The following CEP170B variants were observed in gnomAD, a reference collection of about 807,000 sequenced individuals.
CEP170B encodes centrosomal protein 170B.
A neutral mutation model predicts 120.6 loss-of-function variants in CEP170B; 55 were observed. The ratio of observed to expected loss-of-function variants is 0.46; its 90% CI spans 0.37 to 0.57. The LOEUF (loss-of-function observed/expected upper bound fraction) is 0.57, where lower values mean the gene tolerates loss of function less well. Ranked by LOEUF, CEP170B falls within the 20% of genes least tolerant of loss-of-function variation. The pLI is 0.00. For synonymous variants in CEP170B, 1,033 were observed against 954.5 expected (o/e 1.08, Z -1.52); for missense variants, 2,212 against 2,253.3 (o/e 0.98, Z 0.37).
intron 3 of CEP170B, 82 bp downstream of exon 3, chr14:104,876,427 C>G (rs1478890174): frequency 7.6e-7 from 1 of 1,318,236 alleles, no homozygotes; most frequent in East Asian, 2.5e-5. Context: ...CTGGCTCCTC[C>G]CCCAGTCATA....
chr14:104,892,540 T>G (rs750245645), intron 13 of CEP170B, among the ~76,000 whole-genome samples: 36 of 142,918 alleles, frequency 2.5e-4, no homozygotes, highest in Middle Eastern at 3.7e-3. Context: ...CTCAGCCCAC[T>G]CCCTTCCTTG....
At chr14:104,892,583 C>T (rs1169939818) in intron 13 of CEP170B, among the ~76,000 whole-genome samples, 6 of 152,218 alleles carry the variant, frequency 3.9e-5, no homozygotes, top group Admixed American at 3.9e-4. Context: ...GCTGGGCACC[C>T]GTGGCACCCA....
rs1411089912 is a variant in CEP170B at position 104,885,527 on chromosome 14, C to T, written c.1929C>T (p.Pro643=). The T allele has an allele frequency of 6.4e-7, 1 of 1,563,576 alleles. No individual in the cohort carries two copies. The highest frequency in any genetic ancestry group is 8.6e-7 in the Non-Finnish European group (1 of 1,158,712). Residue 643 remains proline (P), a synonymous_variant, in exon 10 of 19, where the codon CCC becomes CCT. Coordinates refer to ENST00000414716, the MANE Select transcript of CEP170B (RefSeq NM_001112726.3). ...CCTCCCGGCCACTGGGTGCGGCCCCCCAGGCGGAGCACCAGGTACAGGCAC... is the reference window on the plus strand; with the variant it reads ...CCTCCCGGCCACTGGGTGCGGCCCCTCAGGCGGAGCACCAGGTACAGGCAC... ...EFASRPLGAA[P]QAEHQGLPVP...
In CEP170B at chr14:104,872,536, CTG is replaced by C. The variant is rs1331196570; in HGVS notation, c.106-3718_106-3717del. Among the ~76,000 whole-genome samples the C allele has an allele frequency of 2.0e-5, 3 of 149,480 alleles. No individual in the cohort carries two copies. In the East Asian group the frequency reaches 5.8e-4, roughly 29 times the overall value. On this transcript the variant is annotated intron_variant, in intron 2 of 18. Coordinates refer to ENST00000414716, the MANE Select transcript of CEP170B (RefSeq NM_001112726.3). ...TGTGCATGTGCATACATGTGCATGTCTGTAGGTGCACACATCTGTGTGTGTTG... is the reference window on the plus strand; with the variant it reads ...TGTGCATGTGCATACATGTGCATGTCTAGGTGCACACATCTGTGTGTGTTG...
At position 104,893,531 on chromosome 14, in the gene CEP170B, G is replaced by T. The variant is rs1275171553; in HGVS notation, c.4047G>T (p.Gln1349His). Reference protein sequence around the residue: ...STISAREELVQRIPEASLNFQ... With the variant: ...STISAREELVHRIPEASLNFQ... The stretch of plus-strand genomic sequence containing the variant: ...GGCCCTCCCTCTTGCAGCTGGTGCA[G>T]CGCATCCCCGAGGCCAGCCTCAACT... The change falls in exon 15 of 19, where the codon CAG (glutamine) becomes CAT (histidine). Residue 1349 changes from glutamine (Q) to histidine (H), a missense_variant. Coordinates refer to ENST00000414716, the MANE Select transcript of CEP170B (RefSeq NM_001112726.3). The T allele has an allele frequency of 1.9e-6, 3 of 1,603,168 alleles. No homozygotes were observed. The African/African-American group carries it at 4.0e-5, about 21-fold the overall frequency.
intron 3 of CEP170B, 83 bp from the exon 4 acceptor site, chr14:104,877,802 T>TC: frequency 1.6e-6 from 1 of 608,698 alleles, no homozygotes; most frequent in Non-Finnish European, 2.6e-6. Context: ...ACCCACCTGC[T>TC]CAGCCCCACC....
In CEP170B at chr14:104,887,410, C is replaced by T; in HGVS notation, c.3171C>T (p.Ser1057=). 1 of 1,612,044 alleles carries T rather than the reference C, an allele frequency of 6.2e-7. No individual in the cohort carries two copies. The highest frequency in any genetic ancestry group is 1.1e-5 in the South Asian group (1 of 91,008). Residue 1057 remains serine (S), a synonymous_variant, in exon 12 of 19, where the codon AGC becomes AGT. Coordinates refer to ENST00000414716, the MANE Select transcript of CEP170B (RefSeq NM_001112726.3). Reference sequence around the variant, plus strand: ...GCCCTGTCCTCGCCCACCTACCCAGCTCAGATGTGATGGCCTCCAACCACG... The same window carrying T: ...GCCCTGTCCTCGCCCACCTACCCAGTTCAGATGTGATGGCCTCCAACCACG... ...ERGPVLAHLP[S]SDVMASNHET... is the part of the protein sequence containing the mutation.
chr14:104,881,822 C>A (rs963151800), intron 6 of CEP170B, among the ~76,000 whole-genome samples: 1 of 152,108 alleles, frequency 6.6e-6, no homozygotes, highest in Non-Finnish European at 1.5e-5. Context: ...AGGGGTAAGG[C>A]GTGTGTGACA....
chr14:104,893,572 C>T lies in CEP170B; in HGVS notation c.4088C>T (p.Pro1363Leu), dbSNP rs762334260. 5.6e-6 allele frequency: 9 copies of T among 1,604,968 alleles called. No homozygotes were observed. In the East Asian group the frequency reaches 9.0e-5, roughly 16 times the overall value. The change falls in exon 15 of 19, where the codon CCC (proline) becomes CTC (leucine). Residue 1363 changes from proline (P) to leucine (L), a missense_variant. Coordinates refer to ENST00000414716, the MANE Select transcript of CEP170B (RefSeq NM_001112726.3). ...EASLNFQKVP[P>L]GSLNSRDFDQ... ...AGCCTCAACTTCCAGAAGGTGCCGC[C>T]CGGCTCGCTGAACTCTCGGGACTTT...
At position 104,894,721 on chromosome 14, in the gene CEP170B, C is replaced by T. The variant is rs117314899; in HGVS notation, c.4428C>T (p.Ala1476=). Residue 1476 remains alanine, a synonymous_variant, in exon 19 of 19, where the codon GCC becomes GCT. Coordinates refer to ENST00000414716, the MANE Select transcript of CEP170B (RefSeq NM_001112726.3). ...RVQKQLEVIN[A]IVDPSGSLDL... is the part of the protein sequence containing the mutation. ...CCTCCCCACCTCCAGTTATCAATGC[C>T]ATCGTGGACCCCAGTGGGAGCCTGG... is the stretch of plus-strand genomic sequence containing the variant. 8,065 of 1,581,612 alleles carry T rather than the reference C, an allele frequency of 5.1e-3. 27 individuals are homozygous for T. The highest frequency in any genetic ancestry group is 6.1e-3 in the Non-Finnish European group (7,038 of 1,161,856).
intron 5 of CEP170B, 64 bp downstream of exon 5, chr14:104,878,565 T>G: frequency 6.5e-7 from 1 of 1,533,200 alleles, no homozygotes; most frequent in South Asian, 1.1e-5. Context: ...CTCCCCACCA[T>G]GCTCCCGCTG....
chr14:104,889,025 G>T (rs1211098226), intron 12 of CEP170B, among the ~76,000 whole-genome samples: 4 of 152,240 alleles, frequency 2.6e-5, no homozygotes, highest in African/African-American at 9.6e-5. Context: ...AGGAGGCCAG[G>T]ACTCTGCCCA....
chr14:104,871,409 A>T (rs1393288615), intron 2 of CEP170B, among the ~76,000 whole-genome samples: 1 of 133,684 alleles, frequency 7.5e-6, no homozygotes, highest in Non-Finnish European at 1.6e-5. Flanking sequence ...CACAGACAGG[A>T]ATGCAGGCCT....
At chr14:104,879,876 T>G (rs1896054642) in intron 5 of CEP170B, among the ~76,000 whole-genome samples, 1 of 152,134 alleles carries the variant, frequency 6.6e-6, no homozygotes, top group African/African-American at 2.4e-5. Flanking sequence ...GGGAGCCCTT[T>G]GGGGCCAGGG....
rs1340152502 is a variant in CEP170B, at chr14:104,865,351, G to T, written c.-190G>T. ...GGGCTGCCACGAGCGTGCGGGCCTC[G>T]CCGGGCATGTCCTAGGCGGCGGCCC... On this transcript the variant is annotated 5_prime_UTR_variant, in exon 1 of 19. Transcript: ENST00000414716. The surrounding 1 kb of genome is among the most constrained non-coding windows in gnomAD (Gnocchi z 6.7). 2.0e-5 allele frequency: 3 copies of T among 146,540 alleles called. No homozygotes were observed. The highest frequency in any genetic ancestry group is 2.1e-4 in the South Asian group (1 of 4,772). 9.1% of individuals were successfully genotyped at this position (146,540 alleles called of 1,614,324 possible). A position where few individuals can be genotyped will look rare whatever the true frequency, so the allele number is the denominator to read the frequency against.
chr14:104,884,590 G>A lies in CEP170B; in HGVS notation c.1770+41G>A, dbSNP rs561033407. 1.0e-3 allele frequency: 1,583 copies of A among 1,513,172 alleles called. 5 individuals are homozygous for A. The highest frequency in any genetic ancestry group is 2.0e-3 in the Middle Eastern group (10 of 4,944). The allele number at this position is 1,513,172 out of a possible 1,614,324, so 93.7% of individuals were successfully genotyped here. On this transcript the variant is annotated intron_variant, in intron 9 of 18. Coordinates refer to ENST00000414716, the MANE Select transcript of CEP170B (RefSeq NM_001112726.3). Reference sequence around the variant, plus strand: ...GAGTGAGAGCCCTCGTGGGGAACGGGGGGGTGGAGGCGATGCCGGGGGTGG... The same window carrying A: ...GAGTGAGAGCCCTCGTGGGGAACGGAGGGGTGGAGGCGATGCCGGGGGTGG...
In CEP170B at chr14:104,894,542, C is replaced by T. The variant is rs773621030; in HGVS notation, c.4371C>T (p.Ile1457=). Residue 1457 remains isoleucine, a synonymous_variant, in exon 18 of 19, where the codon ATC becomes ATT. Coordinates refer to ENST00000414716, the MANE Select transcript of CEP170B (RefSeq NM_001112726.3). ...CCTTCCTGCCACGTTTCCAGGAAAT[C>T]AGCTCCATCCTGAAGGAACTGAGGC... The part of the protein sequence containing the change: ...VPILKTSNKE[I]SSILKELRRV... 2 of 1,611,992 alleles carry T rather than the reference C, an allele frequency of 1.2e-6. No homozygotes were observed. The highest frequency in any genetic ancestry group is 3.3e-5 in the Admixed American group (2 of 59,768).
intron 4 of CEP170B, among the ~76,000 whole-genome samples, 173 bp from the exon 5 acceptor site, chr14:104,878,270 C>T (rs569673242): frequency 1.3e-5 from 2 of 152,270 alleles, no homozygotes; most frequent in South Asian, 4.1e-4. Context: ...CTGGCCCGAC[C>T]TTGGGACTGT....
Position 104,880,333 on chromosome 14 carries a change from C to T in CEP170B, c.380C>T (p.Ala127Val), listed in dbSNP as rs199634547. 8.6e-5 allele frequency: 139 copies of T among 1,610,326 alleles called. 1 individual carries two copies. The African/African-American group carries it at 1.4e-3, about 17-fold the overall frequency. The change falls in exon 6 of 19, where the codon GCG (alanine) becomes GTG (valine). Residue 127 changes from alanine to valine, a missense_variant. Ala to Val is a moderately conservative substitution (Grantham distance 64, BLOSUM62 0). This residue lies in a region of CEP170B where 2,166 missense variants were observed against 2,166.7 expected (regional missense o/e 1.00). Transcript: ENST00000414716. The stretch of plus-strand genomic sequence containing the variant: ...CTGCAGGTGAGCGTGAAGGGTTTGG[C>T]GCCCAAGAGGAGCGAGGCACTGCCG... Reference protein sequence around the residue: ...SQLQVSVKGLAPKRSEALPEH... With the variant: ...SQLQVSVKGLVPKRSEALPEH...
Sources: gnomAD v4.1 joint callset for allele counts (sites outside exome capture counted in the v4.1 genomes callset) on GRCh38, gnomAD v4.1.1 for gene constraint, gnomAD v4.1.1 regional missense constraint, Gnocchi (gnomAD v3.1) non-coding constraint, MANE v1.5 for transcripts, NCBI Gene and HGNC (gene_info 2026-07-23, HGNC 2026-07-21) for gene names.